Variants in STIM2 observed in about 807,000 individuals in gnomAD.
STIM2 encodes stromal interaction molecule 2.
Under a neutral mutation model 85.8 loss-of-function variants are expected in STIM2, and 31 were observed. That is an observed-to-expected ratio of 0.36 (90% confidence interval 0.27 to 0.49). The LOEUF (loss-of-function observed/expected upper bound fraction) is 0.49, where lower values mean the gene tolerates loss of function less well. Among genes scored for constraint, STIM2 ranks in the 20% least tolerant of loss-of-function variants. STIM2 has a pLI of 0.98. For missense variants in STIM2, 841 were observed against 927.6 expected, an observed-to-expected ratio of 0.91 and a Z score of 1.21; for synonymous variants, 356 against 331.1, an observed-to-expected ratio of 1.08 and a Z score of -0.82.
At chr4:27,011,805 G>A (rs1046311410) in intron 10 of STIM2, among the ~76,000 whole-genome samples, 8 of 152,108 alleles carry the variant, frequency 5.3e-5, no homozygotes, top group Admixed American at 2.6e-4. Flanking sequence ...CCATACTGAT[G>A]TGGAAGTGTT....
intron 2 of STIM2, among the ~76,000 whole-genome samples, chr4:26,927,680 TAAAA>T (rs71186498): frequency 6.2e-3 from 146 of 23,444 alleles, no homozygotes; most frequent in African/African-American, 0.012. Context: ...TAGAGTATAA[TAAAA>T]AAAAAAAAAA....
chr4:26,864,661 C>T (rs536786377), intron 1 of STIM2, among the ~76,000 whole-genome samples: 1 of 152,076 alleles, frequency 6.6e-6, no homozygotes, highest in South Asian at 2.1e-4. Flanking sequence ...AACTGTAATA[C>T]CATTTCACTG....
chr4:26,896,065 T>C (rs1723686947), intron 1 of STIM2, among the ~76,000 whole-genome samples: 1 of 152,228 alleles, frequency 6.6e-6, no homozygotes, highest in Non-Finnish European at 1.5e-5. Context: ...AGGCTTATTC[T>C]GGTTGTTGAG....
rs761015663 is a variant in STIM2 at position 27,022,521 on chromosome 4, A to G, written c.1766A>G (p.Glu589Gly). ...ACCTTTGTTTGTGTTTCATTCAGGGAAGTGCCAGACACAGCTTCAGAATGT... is the reference window on the plus strand; with the variant it reads ...ACCTTTGTTTGTGTTTCATTCAGGGGAGTGCCAGACACAGCTTCAGAATGT... Residue 589 changes from glutamate (E) to glycine (G), a missense_variant and splice_region_variant, in exon 12 of 12, where the codon GAA becomes GGA. Glu to Gly is a moderately conservative substitution (Grantham distance 98). Transcript: ENST00000467087. 4 of 1,583,200 alleles carry G rather than the reference A, an allele frequency of 2.5e-6. No homozygotes were observed.
intron 3 of STIM2, among the ~76,000 whole-genome samples, chr4:26,980,460 C>T (rs112628503): frequency 6.7e-6 from 1 of 150,158 alleles, no homozygotes; most frequent in African/African-American, 2.4e-5. Flanking sequence ...TAACTAGGAG[C>T]CTGGAAAAAA....
At chr4:26,960,687 A>G (rs571426416) in intron 3 of STIM2, among the ~76,000 whole-genome samples, 1 of 152,332 alleles carries the variant, frequency 6.6e-6, no homozygotes, top group East Asian at 1.9e-4. Flanking sequence ...CTTAAAAATG[A>G]CAGTTTATGG....
chr4:26,863,497 G>C (rs1285727739), intron 1 of STIM2, among the ~76,000 whole-genome samples: 2 of 152,048 alleles, frequency 1.3e-5, no homozygotes, highest in Non-Finnish European at 2.9e-5. Flanking sequence ...AAATTTCTTT[G>C]AACTATATGG....
In STIM2 at chr4:26,870,845, T is replaced by C. The variant is rs553285265; in HGVS notation, c.151+9476T>C. Among the ~76,000 whole-genome samples the C allele has an allele frequency of 6.6e-5, 10 of 152,202 alleles. No individual in the cohort carries two copies. In the East Asian group the frequency reaches 1.9e-3, roughly 29 times the overall value. ...GCTGTATTTTACTGAATTGCAAAGA[T>C]GGAGTTACTAATTTTGATGTGGAGA... On this transcript the variant is annotated intron_variant, in intron 1 of 11. Coordinates refer to ENST00000467087, the MANE Select transcript of STIM2 (RefSeq NM_020860.4).
chr4:26,901,935 A>G (rs1056386702), intron 1 of STIM2, among the ~76,000 whole-genome samples: 3 of 152,228 alleles, frequency 2.0e-5, no homozygotes, highest in Non-Finnish European at 2.9e-5. Flanking sequence ...AGTGCAGAGT[A>G]GGAAGCATCT....
chr4:26,990,667 G>T (rs1392633800), intron 3 of STIM2, among the ~76,000 whole-genome samples: 1 of 152,092 alleles, frequency 6.6e-6, no homozygotes, highest in African/African-American at 2.4e-5. Context: ...TATGGGGTGG[G>T]AGAAAATTTG....
intron 1 of STIM2, among the ~76,000 whole-genome samples, chr4:26,907,251 A>G (rs1447947089): frequency 1.3e-5 from 2 of 152,190 alleles, no homozygotes; most frequent in African/African-American, 4.8e-5. Flanking sequence ...GAGTTGAAGT[A>G]AACACTTAGA....
At chr4:26,971,197 T>A (rs1726935317) in intron 3 of STIM2, among the ~76,000 whole-genome samples, 1 of 152,340 alleles carries the variant, frequency 6.6e-6, no homozygotes. Flanking sequence ...GTAGGTTACC[T>A]GTTCACTGTG....
At chr4:26,972,187 C>G (rs1287806693) in intron 3 of STIM2, among the ~76,000 whole-genome samples, 1 of 152,162 alleles carries the variant, frequency 6.6e-6, no homozygotes, top group African/African-American at 2.4e-5. Flanking sequence ...CATCTACAAA[C>G]AGGGACAATT....
intron 2 of STIM2, among the ~76,000 whole-genome samples, chr4:26,934,428 TTCTC>T (rs1385911554): frequency 6.6e-6 from 1 of 152,206 alleles, no homozygotes; most frequent in Non-Finnish European, 1.5e-5. Context: ...TTGTGAGAAT[TTCTC>T]AAGAAAGCAA....
chr4:26,935,011 A>G (rs1317031070), intron 2 of STIM2, among the ~76,000 whole-genome samples: 1 of 151,508 alleles, frequency 6.6e-6, no homozygotes, highest in Non-Finnish European at 1.5e-5. Context: ...TGTAGATATC[A>G]TTTTGATAAG....
At chr4:26,949,572 A>T (rs966834594) in intron 2 of STIM2, among the ~76,000 whole-genome samples, 2 of 152,202 alleles carry the variant, frequency 1.3e-5, no homozygotes, top group Non-Finnish European at 2.9e-5. Flanking sequence ...TTCTCTTTCC[A>T]AAGAAAGTGG....
At chr4:26,983,003 A>T (rs1301989129) in intron 3 of STIM2, among the ~76,000 whole-genome samples, 1 of 152,160 alleles carries the variant, frequency 6.6e-6, no homozygotes, top group East Asian at 1.9e-4. Context: ...GGCCTGCCTT[A>T]TGTGGGCCTC....
Position 27,023,215 on chromosome 4 carries a change from AAAATCATTG to A in STIM2, c.*224_*232del, listed in dbSNP as rs1270662905. The A allele has an allele frequency of 5.7e-6, 3 of 527,314 alleles. No individual in the cohort carries two copies. Among genetic ancestry groups the A allele is most frequent in the Non-Finnish European group, 1.0e-5 (3 of 295,904 alleles). 32.7% of individuals were successfully genotyped at this position (527,314 alleles called of 1,614,324 possible). A position where few individuals can be genotyped will look rare whatever the true frequency, so the allele number is the denominator to read the frequency against. On this transcript the variant is annotated 3_prime_UTR_variant, in exon 12 of 12. Transcript: ENST00000467087. ...AATTCATCAAGCCAGTTATTACTGA[AAAATCATTG>A]AAATGAGACAGTTTACAGTCATTTC...
At chr4:26,907,881 G>C (rs1313053444) in intron 1 of STIM2, among the ~76,000 whole-genome samples, 1 of 152,148 alleles carries the variant, frequency 6.6e-6, no homozygotes, top group African/African-American at 2.4e-5. Context: ...CTTGCTATGT[G>C]GCTGGCACAG....
Sources: allele counts gnomAD v4.1 joint callset (sites outside exome capture counted in the v4.1 genomes callset), GRCh38; gene constraint gnomAD v4.1.1; transcripts MANE v1.5; gene names NCBI Gene and HGNC (gene_info 2026-07-23, HGNC 2026-07-21).